SPHKAP: variants seen among roughly 807,000 people sequenced by gnomAD.
SPHKAP encodes SPHK1 interactor, AKAP domain containing.
In SPHKAP, 67 loss-of-function variants were observed where a neutral mutation model predicts 137.5. The ratio of observed to expected loss-of-function variants is 0.49; its 90% CI spans 0.40 to 0.60. The LOEUF is 0.60. Ranked by LOEUF, SPHKAP falls within the 20% of genes least tolerant of loss-of-function variation. The probability of loss-of-function intolerance (pLI) is 0.00; values close to 1 mark genes in which losing one functional copy is unlikely to be tolerated. For synonymous variants in SPHKAP, 813 were observed against 785.3 expected (o/e 1.04, Z -0.59); for missense variants, 2,097 against 2,069.3 (o/e 1.01, Z -0.26).
At chr2:228,060,159 A>T (rs1189073992) in intron 3 of SPHKAP, among the ~76,000 whole-genome samples, 1 of 152,194 alleles carries the variant, frequency 6.6e-6, no homozygotes, top group Non-Finnish European at 1.5e-5. Context: ...ATTAAATAGG[A>T]TAGAAGGGAT....
intron 2 of SPHKAP, among the ~76,000 whole-genome samples, chr2:228,126,229 T>C (rs1300698356): frequency 2.6e-5 from 4 of 152,234 alleles, no homozygotes; most frequent in Non-Finnish European, 5.9e-5. Flanking sequence ...TGTAATTCTA[T>C]CATTTTAAAT....
intron 7 of SPHKAP, among the ~76,000 whole-genome samples, chr2:228,008,155 C>G (rs1463950501): frequency 6.6e-6 from 1 of 152,078 alleles, no homozygotes; most frequent in Non-Finnish European, 1.5e-5. Flanking sequence ...CAGTGTCTTT[C>G]ACAGAGCAAA....
At chr2:228,037,977 T>C (rs1695690751) in intron 3 of SPHKAP, among the ~76,000 whole-genome samples, 1 of 152,190 alleles carries the variant, frequency 6.6e-6, no homozygotes, top group Non-Finnish European at 1.5e-5. Flanking sequence ...GAAGTCCAAG[T>C]AGAGAATACA....
At chr2:228,093,468 A>G (rs943222847) in intron 3 of SPHKAP, among the ~76,000 whole-genome samples, 15 of 152,240 alleles carry the variant, frequency 9.9e-5, no homozygotes, top group African/African-American at 3.6e-4. Flanking sequence ...GATACATAAT[A>G]TGACATGAAT....
At position 228,013,665 on chromosome 2, in the gene SPHKAP, T is replaced by G. The variant is rs1574745583; in HGVS notation, c.4448+2741A>C. Among the ~76,000 whole-genome samples the G allele has an allele frequency of 2.6e-5, 4 of 152,274 alleles. No individual in the cohort carries two copies. The South Asian group carries it at 8.3e-4, about 32-fold the overall frequency. On this transcript the variant is annotated intron_variant, in intron 7 of 11. Transcript: ENST00000392056. ...TATTACAACAGGCGAGGCCCTGAGT[T>G]GAGAGATTTATGTGCATTTCCTTAT... is the stretch of plus-strand genomic sequence containing the variant.
At position 228,017,569 on chromosome 2, in the gene SPHKAP, G is replaced by T. The variant is rs760454456; in HGVS notation, c.3285C>A (p.Ala1095=). 1.7e-5 allele frequency: 28 copies of T among 1,613,638 alleles called. No homozygotes were observed. The highest frequency in any genetic ancestry group is 2.4e-5 in the Non-Finnish European group (28 of 1,180,010). The change falls in exon 7 of 12, where the codon GCC becomes GCA. Residue 1095 remains alanine (A), a synonymous_variant. Coordinates refer to ENST00000392056, the MANE Select transcript of SPHKAP (RefSeq NM_001142644.2). The part of the protein sequence containing the change: ...SIPEEDSEAR[A]YVNSLGLMST... ...TCATTAAGCCCAGGCTGTTGACATA[G>T]GCCCTGGCCTCGGAGTCTTCCTCAG...
At chr2:227,984,424 A>G (rs1344254010) in intron 11 of SPHKAP, among the ~76,000 whole-genome samples, 1 of 152,100 alleles carries the variant, frequency 6.6e-6, no homozygotes, top group East Asian at 1.9e-4. Context: ...GGAACAGACT[A>G]CAAACCCTTT....
chr2:228,001,135 T>A (rs974926348), intron 7 of SPHKAP, among the ~76,000 whole-genome samples: 60 of 151,672 alleles, frequency 4.0e-4, no homozygotes, highest in African/African-American at 1.3e-3. Flanking sequence ...AATGACATAA[T>A]GTTGAACATC....
chr2:228,110,887 TAAA>T (rs1332232823), intron 2 of SPHKAP, among the ~76,000 whole-genome samples: 1 of 152,170 alleles, frequency 6.6e-6, no homozygotes, highest in Non-Finnish European at 1.5e-5. Flanking sequence ...ATTATTATTT[TAAA>T]ATTATTTTGT....
chr2:228,092,325 A>G (rs12994042), intron 3 of SPHKAP, among the ~76,000 whole-genome samples: 19,753 of 104,814 alleles, frequency 0.19, 1,608 homozygotes, highest in East Asian at 0.26. Flanking sequence ...GTGTATACGT[A>G]CACACACACG....
rs4973558 is a variant in SPHKAP, at chr2:228,010,172, A to G, written c.4448+6234T>C. 8.5e-3 allele frequency among the ~76,000 whole-genome samples: 1,298 copies of G among 152,270 alleles called. 23 individuals are homozygous for G. Among genetic ancestry groups the G allele is most frequent in the African/African-American group, 0.03 (1,232 of 41,546 alleles). The stretch of plus-strand genomic sequence containing the variant: ...TAATCACGTTTGTTTCCCTTCGCTC[A>G]ATGTGCTGCTTGTTGTACAATGTAT... On this transcript the variant is annotated intron_variant, in intron 7 of 11. Transcript: ENST00000392056.
At chr2:228,175,766 C>T (rs1044710081) in intron 1 of SPHKAP, among the ~76,000 whole-genome samples, 1 of 151,838 alleles carries the variant, frequency 6.6e-6, no homozygotes, top group Non-Finnish European at 1.5e-5. Flanking sequence ...AGATACAATA[C>T]CCTATCTATA....
At chr2:228,128,916 A>T (rs1345687015) in intron 2 of SPHKAP, among the ~76,000 whole-genome samples, 1 of 152,150 alleles carries the variant, frequency 6.6e-6, no homozygotes, top group East Asian at 1.9e-4. Context: ...AGGCTTTGTT[A>T]TTCCATTTAT....
intron 1 of SPHKAP, among the ~76,000 whole-genome samples, chr2:228,168,571 C>T (rs1477494058): frequency 6.6e-6 from 1 of 152,208 alleles, no homozygotes; most frequent in African/African-American, 2.4e-5. Flanking sequence ...AGAAGGCAAA[C>T]TTAATCGACA....
chr2:228,158,523 T>C (rs972684948), intron 1 of SPHKAP, among the ~76,000 whole-genome samples: 2 of 151,984 alleles, frequency 1.3e-5, no homozygotes, highest in African/African-American at 4.8e-5. Flanking sequence ...GCCAATTCTA[T>C]GGAGTGAACT....
chr2:228,034,306 TA>T (rs1360701903), intron 3 of SPHKAP, among the ~76,000 whole-genome samples: 1 of 152,134 alleles, frequency 6.6e-6, no homozygotes, highest in African/African-American at 2.4e-5. Context: ...CCTCGACATA[TA>T]CACCCTCCCA....
chr2:228,005,478 A>C (rs1251163974), intron 7 of SPHKAP, among the ~76,000 whole-genome samples: 1 of 152,170 alleles, frequency 6.6e-6, no homozygotes, highest in East Asian at 1.9e-4. Flanking sequence ...AATACAGCAC[A>C]CTGATGGGTC....
intron 1 of SPHKAP, among the ~76,000 whole-genome samples, chr2:228,150,142 T>C (rs1699887772): frequency 6.6e-6 from 1 of 152,226 alleles, no homozygotes; most frequent in African/African-American, 2.4e-5. Flanking sequence ...TTTTCTAATG[T>C]TAAACCAGGC....
At chr2:228,116,722 A>C (rs1698722610) in intron 2 of SPHKAP, among the ~76,000 whole-genome samples, 1 of 152,152 alleles carries the variant, frequency 6.6e-6, no homozygotes, top group South Asian at 2.1e-4. Context: ...ATAGGCTAGC[A>C]TTCAAGACAG....
Sources: gnomAD v4.1 joint callset for allele counts (sites outside exome capture counted in the v4.1 genomes callset) on GRCh38, gnomAD v4.1.1 for gene constraint, MANE v1.5 for transcripts, NCBI Gene and HGNC (gene_info 2026-07-23, HGNC 2026-07-21) for gene names.